Variants in CELF4 observed in about 807,000 individuals in gnomAD.
The protein encoded by CELF4 is CUGBP Elav-like family member 4, also known as CUG-BP- and ETR-3-like factor 4.
A neutral mutation model predicts 59.9 loss-of-function variants in CELF4; 18 were observed. The observed-to-expected ratio is 0.30, with a 90% CI of 0.21 to 0.45. The LOEUF (loss-of-function observed/expected upper bound fraction) is 0.45. CELF4 is among the 20% of genes least tolerant of loss of function. The probability of loss-of-function intolerance (pLI) is 1.00; values close to 1 mark genes in which losing one functional copy is unlikely to be tolerated. For synonymous variants in CELF4, 261 were observed against 267.1 expected, an observed-to-expected ratio of 0.98 and a Z score of 0.22; for missense variants, 456 against 689.0, an observed-to-expected ratio of 0.66 and a Z score of 3.79.
chr18:37,249,995 A>G (rs1662922), intron 12 of CELF4, among the ~76,000 whole-genome samples: 48,375 of 151,900 alleles, frequency 0.32, 11,922 homozygotes, highest in African/African-American at 0.7. Context: ...TGCTTGGTGC[A>G]CTCTCCAGCC....
rs117332930 is a variant in CELF4, at chr18:37,315,451, G to A, written c.448+6352C>T. ...ACCTTGCTGGCTTTTCTGTCATTTC[G>A]TGTTGATGAGATAAAACCTGGTGGT... is the stretch of plus-strand genomic sequence containing the variant. On this transcript the variant is annotated intron_variant, in intron 3 of 12. Coordinates refer to ENST00000420428, the MANE Select transcript of CELF4 (RefSeq NM_020180.4). Among the ~76,000 whole-genome samples, 98 of 152,172 alleles carry A rather than the reference G, an allele frequency of 6.4e-4. 2 individuals are homozygous for A. The East Asian group carries it at 0.015, about 24-fold the overall frequency.
intron 2 of CELF4, among the ~76,000 whole-genome samples, chr18:37,484,136 T>G (rs1250633755): frequency 1.3e-5 from 2 of 152,146 alleles, no homozygotes; most frequent in Non-Finnish European, 2.9e-5. Context: ...CCCATAACAA[T>G]GTGGTATTTT....
chr18:37,270,718 G>T, intron 8 of CELF4, 50 bp downstream of exon 8: 1 of 1,606,888 alleles, frequency 6.2e-7, no homozygotes, highest in Non-Finnish European at 8.5e-7. Flanking sequence ...GGGACAGCAT[G>T]GATAAAGAAT....
intron 2 of CELF4, among the ~76,000 whole-genome samples, chr18:37,435,791 G>A (rs916346466): frequency 1.9e-4 from 29 of 152,190 alleles, no homozygotes; most frequent in African/African-American, 5.8e-4. Flanking sequence ...CCACCCTAGC[G>A]TGTCTTCCAG....
At chr18:37,482,200 G>A (rs10502673) in intron 2 of CELF4, among the ~76,000 whole-genome samples, 43,695 of 151,988 alleles carry the variant, frequency 0.29, 6,462 homozygotes, top group South Asian at 0.37. Flanking sequence ...TTTACAGAAC[G>A]TCTGGCACAC....
intron 2 of CELF4, among the ~76,000 whole-genome samples, chr18:37,347,540 C>T (rs1409668509): frequency 2.0e-5 from 3 of 152,146 alleles, no homozygotes; most frequent in Non-Finnish European, 2.9e-5. Context: ...TAGTTCGGGG[C>T]AGGTCGTCAC....
chr18:37,548,381 T>C (rs1464874567), intron 1 of CELF4, among the ~76,000 whole-genome samples: 1 of 152,128 alleles, frequency 6.6e-6, no homozygotes, highest in East Asian at 1.9e-4. Flanking sequence ...GCTCTCCGAG[T>C]TTCCATTTCT....
intron 2 of CELF4, among the ~76,000 whole-genome samples, chr18:37,344,001 G>A (rs1433812639): frequency 6.6e-6 from 1 of 152,106 alleles, no homozygotes; most frequent in East Asian, 1.9e-4. Flanking sequence ...TTCTGTCTAA[G>A]AAGCCCCTTC....
intron 2 of CELF4, among the ~76,000 whole-genome samples, chr18:37,343,454 C>T (rs536665730): frequency 2.1e-4 from 32 of 151,598 alleles, no homozygotes; most frequent in Non-Finnish European, 3.5e-4. Flanking sequence ...TCTTAGAGGG[C>T]GCAGAGCTGC....
Position 37,245,782 on chromosome 18 carries a change from T to C in CELF4, c.*45-585A>G, listed in dbSNP as rs556984923. 2.1e-4 allele frequency among the ~76,000 whole-genome samples: 32 copies of C among 152,332 alleles called. No homozygotes were observed. Among genetic ancestry groups the C allele is most frequent in the African/African-American group, 7.0e-4 (29 of 41,572 alleles). On this transcript the variant is annotated intron_variant, in intron 12 of 12. Coordinates refer to ENST00000420428, the MANE Select transcript of CELF4 (RefSeq NM_020180.4). The surrounding 1 kb of genome is among the most constrained non-coding windows in gnomAD (Gnocchi z 4.1). ...TGTATATCTGGATATATGTGTAGAA[T>C]ATATTCACCTGCACATATGTGGATA... is the stretch of plus-strand genomic sequence containing the variant.
chr18:37,264,819 AG>A (rs2076625559), intron 9 of CELF4, 62 bp from the exon 10 acceptor site: 1 of 1,391,972 alleles, frequency 7.2e-7, no homozygotes, highest in African/African-American at 1.4e-5. Context: ...GCAGGAAGAA[AG>A]AGAGAGATTT....
chr18:37,538,214 C>T (rs1025874296), intron 1 of CELF4, among the ~76,000 whole-genome samples: 2 of 152,214 alleles, frequency 1.3e-5, no homozygotes, highest in South Asian at 4.1e-4. Context: ...GCTCTCTGTA[C>T]TGTGTGCCTA....
intron 2 of CELF4, among the ~76,000 whole-genome samples, chr18:37,445,584 G>A (rs1481174199): frequency 6.6e-6 from 1 of 152,092 alleles, no homozygotes; most frequent in Non-Finnish European, 1.5e-5. Flanking sequence ...GAGGAGGGGG[G>A]AGCAGGGAGA....
intron 6 of CELF4, 116 bp from the exon 7 acceptor site, chr18:37,273,279 C>A: frequency 6.8e-7 from 1 of 1,461,164 alleles, no homozygotes; most frequent in Non-Finnish European, 9.1e-7. Context: ...AAGCTCCCAA[C>A]TACCACTCCA....
intron 2 of CELF4, among the ~76,000 whole-genome samples, chr18:37,422,701 G>A (rs1419568002): frequency 6.6e-6 from 1 of 152,190 alleles, no homozygotes; most frequent in Non-Finnish European, 1.5e-5. Flanking sequence ...AGAGCCCTGG[G>A]TTTAGGGCAT....
intron 3 of CELF4, among the ~76,000 whole-genome samples, chr18:37,303,925 T>C (rs1163822460): frequency 1.3e-5 from 2 of 152,008 alleles, no homozygotes; most frequent in Non-Finnish European, 2.9e-5. Context: ...TCCCTGGGGG[T>C]AGCATCATAG....
intron 2 of CELF4, among the ~76,000 whole-genome samples, chr18:37,452,163 G>A (rs1456838409): frequency 6.6e-6 from 1 of 152,204 alleles, no homozygotes; most frequent in Non-Finnish European, 1.5e-5. Flanking sequence ...CTGAATGCAC[G>A]CCACCCTGAG....
At chr18:37,555,050 T>C (rs1355039222) in intron 1 of CELF4, among the ~76,000 whole-genome samples, 1 of 152,150 alleles carries the variant, frequency 6.6e-6, no homozygotes, top group Non-Finnish European at 1.5e-5. Context: ...GTGATTGATA[T>C]GATTGGGGGC....
intron 2 of CELF4, among the ~76,000 whole-genome samples, chr18:37,346,828 T>C (rs113949232): frequency 7.6e-4 from 115 of 152,194 alleles, no homozygotes; most frequent in African/African-American, 2.7e-3. Context: ...GCATGTCTCA[T>C]GCTACCGCTG....
Sources: allele counts gnomAD v4.1 joint callset (sites outside exome capture counted in the v4.1 genomes callset), GRCh38; gene constraint gnomAD v4.1.1; non-coding constraint Gnocchi (gnomAD v3.1); transcripts MANE v1.5; gene names NCBI Gene and HGNC (gene_info 2026-07-23, HGNC 2026-07-21).